The following KRTAP9-3 variants were observed in gnomAD, a reference collection of about 807,000 sequenced individuals.
KRTAP9-3 encodes keratin-associated protein 9-3.
In KRTAP9-3, 12 loss-of-function variants were observed where a neutral mutation model predicts 13.0. That is an observed-to-expected ratio of 0.93 (90% CI 0.59 to 1.50). The LOEUF (loss-of-function observed/expected upper bound fraction) is 1.50. Ranked by LOEUF, KRTAP9-3 falls within the 40% of genes most tolerant of loss-of-function variation. The pLI, the probability that KRTAP9-3 is intolerant of heterozygous loss-of-function variation, is 0.00. For synonymous variants in KRTAP9-3, 89 were observed against 68.7 expected, an observed-to-expected ratio of 1.29 and a Z score of -1.46; for missense variants, 232 against 195.2, an observed-to-expected ratio of 1.19 and a Z score of -1.12.
rs142516589 is a variant in KRTAP9-3 at position 41,233,111 on chromosome 17, A to C, written c.*130A>C. The C allele has an allele frequency of 1.6e-3, 2,266 of 1,447,030 alleles. 345 individuals are homozygous for C. In the African/African-American group the frequency reaches 0.032, roughly 20 times the overall value. 89.6% of individuals were successfully genotyped at this position (1,447,030 alleles called of 1,614,324 possible). ...ACCCAAATTTTTATGAATTCTCTACATGTTTAAAATCTTGGGAATCTGCTT... is the reference window on the plus strand; with the variant it reads ...ACCCAAATTTTTATGAATTCTCTACCTGTTTAAAATCTTGGGAATCTGCTT... On this transcript the variant is annotated 3_prime_UTR_variant, in exon 1 of 1. Transcript: ENST00000411528.
chr17:41,232,585 C>A lies in KRTAP9-3; in HGVS notation c.84C>A (p.Ser28Arg). Reference protein sequence around the residue: ...CWQPTTVTTCSSTPCCQPSCC... With the variant: ...CWQPTTVTTCRSTPCCQPSCC... The stretch of plus-strand genomic sequence containing the variant: ...AGCCCACCACTGTGACCACCTGCAG[C>A]AGCACACCCTGCTGTCAGCCCTCCT... The change falls in exon 1 of 1, where the codon AGC (serine) becomes AGA (arginine). Residue 28 changes from serine to arginine, a missense_variant. Ser to Arg is a moderately radical substitution (Grantham distance 110). Transcript: ENST00000411528. 1 of 1,603,962 alleles carries A rather than the reference C, an allele frequency of 6.2e-7. No individual in the cohort carries two copies. The highest frequency in any genetic ancestry group is 8.5e-7 in the Non-Finnish European group (1 of 1,177,028).
rs752916950 is a variant in KRTAP9-3 at position 41,232,506 on chromosome 17, C to G, written c.5C>G (p.Thr2Ser). The G allele has an allele frequency of 2.5e-6, 4 of 1,605,950 alleles. No homozygotes were observed. The South Asian group carries it at 4.4e-5, about 18-fold the overall frequency. ...CCACCCTCCATCCCTGACACCATGA[C>G]CCACTGTTGCTCCCCTTGCTGTCAG... is the stretch of plus-strand genomic sequence containing the variant. M[T>S]HCCSPCCQPT... The change falls in exon 1 of 1, where the codon ACC (threonine) becomes AGC (serine). Residue 2 changes from threonine (T) to serine (S), a missense_variant. By Grantham distance (58) the Thr-to-Ser change is moderately conservative. Coordinates refer to ENST00000411528, the MANE Select transcript of KRTAP9-3 (RefSeq NM_031962.3).
At position 41,232,860 on chromosome 17, in the gene KRTAP9-3, G is replaced by C; in HGVS notation, c.359G>C (p.Ser120Thr). The change falls in exon 1 of 1, where the codon AGC (serine) becomes ACC (threonine). Residue 120 changes from serine to threonine, a missense_variant. Ser to Thr is a moderately conservative substitution (Grantham distance 58). Coordinates refer to ENST00000411528, the MANE Select transcript of KRTAP9-3 (RefSeq NM_031962.3). ...SVCLPGCLNQ[S>T]CGSNCCQPCC... ...TGTCTGCCTGGTTGCCTAAACCAGA[G>C]CTGTGGCTCCAACTGCTGCCAGCCC... is the stretch of plus-strand genomic sequence containing the variant. 6.2e-7 allele frequency: 1 copy of C among 1,608,238 alleles called. No homozygotes were observed. Among genetic ancestry groups the C allele is most frequent in the Non-Finnish European group, 8.5e-7 (1 of 1,179,972 alleles).
rs758721764 is a variant in KRTAP9-3 at position 41,232,517 on chromosome 17, T to C, written c.16T>C (p.Ser6Pro). The C allele has an allele frequency of 6.2e-6, 10 of 1,605,810 alleles. No individual in the cohort carries two copies. In the Admixed American group the frequency reaches 1.0e-4, roughly 16 times the overall value. ...CCCTGACACCATGACCCACTGTTGC[T>C]CCCCTTGCTGTCAGCCTACCTGCTG... MTHCC[S>P]PCCQPTCCRT... The change falls in exon 1 of 1, where the codon TCC becomes CCC. Residue 6 changes from serine (S) to proline (P), a missense_variant. Ser to Pro is a moderately conservative substitution (Grantham distance 74, BLOSUM62 -1). Coordinates refer to ENST00000411528, the MANE Select transcript of KRTAP9-3 (RefSeq NM_031962.3).
In KRTAP9-3 at chr17:41,233,080, G is replaced by A; in HGVS notation, c.*99G>A. 6.5e-7 allele frequency: 1 copy of A among 1,537,320 alleles called. No homozygotes were observed. Among genetic ancestry groups the A allele is most frequent in the Non-Finnish European group, 8.8e-7 (1 of 1,142,056 alleles). ...TTACTTTGCTGCTGACAGCCACCAT[G>A]CTCTCACCCAAATTTTTATGAATTC... On this transcript the variant is annotated 3_prime_UTR_variant, in exon 1 of 1. Transcript: ENST00000411528.
chr17:41,232,738 C>T lies in KRTAP9-3; in HGVS notation c.237C>T (p.Pro79=). The T allele has an allele frequency of 6.2e-7, 1 of 1,607,854 alleles. No individual in the cohort carries two copies. Among genetic ancestry groups the T allele is most frequent in the Non-Finnish European group, 8.5e-7 (1 of 1,179,854 alleles). Residue 79 remains proline, a synonymous_variant, in exon 1 of 1, where the codon CCC becomes CCT. Coordinates refer to ENST00000411528, the MANE Select transcript of KRTAP9-3 (RefSeq NM_031962.3). The part of the protein sequence containing the change: ...SCCQPSCCST[P]CCQPTCCGSS... Reference sequence around the variant, plus strand: ...GCCAGCCTTCCTGCTGTAGCACACCCTGCTGCCAGCCCACATGCTGTGGGT... The same window carrying T: ...GCCAGCCTTCCTGCTGTAGCACACCTTGCTGCCAGCCCACATGCTGTGGGT...
At position 41,233,034 on chromosome 17, in the gene KRTAP9-3, C is replaced by A. The variant is rs1409207604; in HGVS notation, c.*53C>A. On this transcript the variant is annotated 3_prime_UTR_variant, in exon 1 of 1. Coordinates refer to ENST00000411528, the MANE Select transcript of KRTAP9-3 (RefSeq NM_031962.3). ...ACACAACAACCTTCAGCTCAACTGACTTGTCTTTTGAGGGACTAATTTACT... is the reference window on the plus strand; with the variant it reads ...ACACAACAACCTTCAGCTCAACTGAATTGTCTTTTGAGGGACTAATTTACT... 3.1e-5 allele frequency: 50 copies of A among 1,597,444 alleles called. No homozygotes were observed. In the East Asian group the frequency reaches 1.1e-3, roughly 35 times the overall value.
rs545358836 is a variant in KRTAP9-3 at position 41,232,812 on chromosome 17, C to A, written c.311C>A (p.Thr104Asn). The change falls in exon 1 of 1, where the codon ACC becomes AAC. Residue 104 changes from threonine to asparagine, a missense_variant. Coordinates refer to ENST00000411528, the MANE Select transcript of KRTAP9-3 (RefSeq NM_031962.3). The stretch of plus-strand genomic sequence containing the variant: ...TGTGCACCTGTGTACTGCAGAAGAA[C>A]CTGCTACCACCCCACAAGTGTTTGT... ...SSCAPVYCRR[T>N]CYHPTSVCLP... is the part of the protein sequence containing the mutation. 5 of 1,608,268 alleles carry A rather than the reference C, an allele frequency of 3.1e-6. No homozygotes were observed. In the East Asian group the frequency reaches 1.1e-4, roughly 36 times the overall value.
the KRTAP9-3 span, chr17:41,232,937 C>T: frequency 6.2e-6 from 10 of 1,608,816 alleles, no homozygotes; most frequent in Middle Eastern, 1.7e-4. Flanking sequence ...CACTTGTTTC[C>T]AGCCCACCTG....
Position 41,233,265 on chromosome 17 carries a change from T to C in KRTAP9-3, c.*284T>C, listed in dbSNP as rs775675000. On this transcript the variant is annotated 3_prime_UTR_variant, in exon 1 of 1. Coordinates refer to ENST00000411528, the MANE Select transcript of KRTAP9-3 (RefSeq NM_031962.3). ...GTCTCAAAAATCAAGAGCTTCATTC[T>C]TTGCTTCTAAGGAATTTAGGTTTCT... 3.6e-6 allele frequency: 2 copies of C among 560,522 alleles called. No homozygotes were observed. Among genetic ancestry groups the C allele is most frequent in the Non-Finnish European group, 6.2e-6 (2 of 320,032 alleles). The allele number at this position is 560,522 out of a possible 1,614,324, so 34.7% of individuals were successfully genotyped here.
In KRTAP9-3 at chr17:41,233,157, A is replaced by G. The variant is rs2015894579; in HGVS notation, c.*176A>G. Reference sequence around the variant, plus strand: ...TGCTTGAGGGAGGGCAGAATACTTCATCCTCATTCCCTCTTTCCTTACACC... The same window carrying G: ...TGCTTGAGGGAGGGCAGAATACTTCGTCCTCATTCCCTCTTTCCTTACACC... On this transcript the variant is annotated 3_prime_UTR_variant, in exon 1 of 1. Transcript: ENST00000411528. 2 of 1,064,138 alleles carry G rather than the reference A, an allele frequency of 1.9e-6. No homozygotes were observed. Among genetic ancestry groups the G allele is most frequent in the Non-Finnish European group, 1.4e-6 (1 of 734,104 alleles). 65.9% of individuals were successfully genotyped at this position (1,064,138 alleles called of 1,614,324 possible).
In KRTAP9-3 at chr17:41,232,828, A is replaced by G. The variant is rs149451077; in HGVS notation, c.327A>G (p.Thr109=). Residue 109 remains threonine, a synonymous_variant, in exon 1 of 1, where the codon ACA becomes ACG. Transcript: ENST00000411528. ...GCAGAAGAACCTGCTACCACCCCAC[A>G]AGTGTTTGTCTGCCTGGTTGCCTAA... ...VYCRRTCYHP[T]SVCLPGCLNQ... 34 of 1,605,602 alleles carry G rather than the reference A, an allele frequency of 2.1e-5. 2 individuals carry two copies. The highest frequency in any genetic ancestry group is 1.3e-4 in the African/African-American group (9 of 67,930).
chr17:41,232,543 C>T lies in KRTAP9-3; in HGVS notation c.42C>T (p.Cys14=). Residue 14 remains cysteine (C), a synonymous_variant, in exon 1 of 1, where the codon TGC becomes TGT. Transcript: ENST00000411528. ...CCCCTTGCTGTCAGCCTACCTGCTGCAGGACCACCTGCTGGCAGCCCACCA... is the reference window on the plus strand; with the variant it reads ...CCCCTTGCTGTCAGCCTACCTGCTGTAGGACCACCTGCTGGCAGCCCACCA... ...CCSPCCQPTC[C]RTTCWQPTTV... is the part of the protein sequence containing the mutation. 6.2e-7 allele frequency: 1 copy of T among 1,606,112 alleles called. No homozygotes were observed. Among genetic ancestry groups the T allele is most frequent in the Non-Finnish European group, 8.5e-7 (1 of 1,179,326 alleles).
In KRTAP9-3 at chr17:41,233,346, G is replaced by C; in HGVS notation, c.*365G>C. 2.9e-6 allele frequency: 1 copy of C among 342,660 alleles called. No individual in the cohort carries two copies. Among genetic ancestry groups the C allele is most frequent in the South Asian group, 4.7e-5 (1 of 21,132 alleles). The allele number at this position is 342,660 out of a possible 1,614,324, so 21.2% of individuals were successfully genotyped here. ...TTTCATTTTAAATATCCTTCTCATG[G>C]TTCTTGTATCCTTCTTTCTTCTTTT... On this transcript the variant is annotated 3_prime_UTR_variant, in exon 1 of 1. Transcript: ENST00000411528.
chr17:41,232,950 T>G lies in KRTAP9-3; in HGVS notation c.449T>G (p.Val150Gly). ...ACCACTTGTTTCCAGCCCACCTGTG[T>G]GTACAGCTGCTGCCAGCCTTCTTGC... Reference protein sequence around the residue: ...CRTTCFQPTCVYSCCQPSCC With the variant: ...CRTTCFQPTCGYSCCQPSCC Residue 150 changes from valine (V) to glycine (G), a missense_variant, in exon 1 of 1, where the codon GTG (valine) becomes GGG (glycine). Transcript: ENST00000411528. 6.2e-7 allele frequency: 1 copy of G among 1,608,680 alleles called. No homozygotes were observed. Among genetic ancestry groups the G allele is most frequent in the Non-Finnish European group, 8.5e-7 (1 of 1,179,852 alleles).
At position 41,233,127 on chromosome 17, in the gene KRTAP9-3, G is replaced by T. The variant is rs547242502; in HGVS notation, c.*146G>T. 7.7e-5 allele frequency: 105 copies of T among 1,369,730 alleles called. No homozygotes were observed. Among genetic ancestry groups the T allele is most frequent in the Non-Finnish European group, 9.6e-5 (96 of 1,002,352 alleles). The allele number at this position is 1,369,730 out of a possible 1,614,324, so 84.8% of individuals were successfully genotyped here. On this transcript the variant is annotated 3_prime_UTR_variant, in exon 1 of 1. Transcript: ENST00000411528. ...ATTCTCTACATGTTTAAAATCTTGGGAATCTGCTTGAGGGAGGGCAGAATA... is the reference window on the plus strand; with the variant it reads ...ATTCTCTACATGTTTAAAATCTTGGTAATCTGCTTGAGGGAGGGCAGAATA...
In KRTAP9-3 at chr17:41,233,182, C is replaced by G; in HGVS notation, c.*201C>G. The G allele has an allele frequency of 2.2e-6, 2 of 919,536 alleles. No individual in the cohort carries two copies. The highest frequency in any genetic ancestry group is 3.3e-6 in the Non-Finnish European group (2 of 613,804). The allele number at this position is 919,536 out of a possible 1,614,324, so 57.0% of individuals were successfully genotyped here. ...ATCCTCATTCCCTCTTTCCTTACAC[C>G]TTGTGGATCATGTGCCAGCTTCGTC... On this transcript the variant is annotated 3_prime_UTR_variant, in exon 1 of 1. Transcript: ENST00000411528.
chr17:41,233,060 T>A lies in KRTAP9-3; in HGVS notation c.*79T>A. ...TTGTCTTTTGAGGGACTAATTTACT[T>A]TGCTGCTGACAGCCACCATGCTCTC... On this transcript the variant is annotated 3_prime_UTR_variant, in exon 1 of 1. Transcript: ENST00000411528. 2.5e-6 allele frequency: 4 copies of A among 1,572,238 alleles called. No homozygotes were observed. Among genetic ancestry groups the A allele is most frequent in the Non-Finnish European group, 3.4e-6 (4 of 1,160,478 alleles).
rs750196376 is a variant in KRTAP9-3 at position 41,232,824 on chromosome 17, C to T, written c.323C>T (p.Pro108Leu). The change falls in exon 1 of 1, where the codon CCC (proline) becomes CTC (leucine). Residue 108 changes from proline (P) to leucine (L), a missense_variant. By Grantham distance (98) the Pro-to-Leu change is moderately conservative. Coordinates refer to ENST00000411528, the MANE Select transcript of KRTAP9-3 (RefSeq NM_031962.3). ...TACTGCAGAAGAACCTGCTACCACC[C>T]CACAAGTGTTTGTCTGCCTGGTTGC... is the stretch of plus-strand genomic sequence containing the variant. Reference protein sequence around the residue: ...PVYCRRTCYHPTSVCLPGCLN... With the variant: ...PVYCRRTCYHLTSVCLPGCLN... 3.1e-6 allele frequency: 5 copies of T among 1,608,184 alleles called. 2 individuals carry two copies. The African/African-American group carries it at 5.8e-5, about 19-fold the overall frequency.
Sources: gnomAD v4.1 joint callset for allele counts on GRCh38, gnomAD v4.1.1 for gene constraint, MANE v1.5 for transcripts, NCBI Gene and HGNC (gene_info 2026-07-23, HGNC 2026-07-21) for gene names.